Variants in PSMD11 observed in about 807,000 individuals in gnomAD.
PSMD11 encodes 26S proteasome non-ATPase regulatory subunit 11.
PSMD11 carries 5 observed loss-of-function variants against 62.3 expected under a neutral mutation model. That is an observed-to-expected ratio of 0.08 (90% CI 0.04 to 0.17). The LOEUF (loss-of-function observed/expected upper bound fraction) is 0.17, where lower values mean the gene tolerates loss of function less well. Among genes scored for constraint, PSMD11 ranks in the 10% least tolerant of loss-of-function variants. PSMD11 has a pLI of 1.00. For missense variants in PSMD11, 310 were observed against 512.9 expected (o/e 0.60, Z 3.82); for synonymous variants, 191 against 191.8 (o/e 1.00, Z 0.03).
rs751758609 is a variant in PSMD11 at position 32,482,936 on chromosome 17, A to G, written c.*2184A>G. Reference sequence around the variant, plus strand: ...GTCTCTGTATTTCACTTGCAGAAAGAGCTTTGCTTCTATAAAGGACTTTAA... The same window carrying G: ...GTCTCTGTATTTCACTTGCAGAAAGGGCTTTGCTTCTATAAAGGACTTTAA... On this transcript the variant is annotated 3_prime_UTR_variant, in exon 14 of 14. Transcript: ENST00000261712. 129 of 152,304 alleles carry G rather than the reference A, an allele frequency of 8.5e-4. No homozygotes were observed. The highest frequency in any genetic ancestry group is 3.0e-3 in the African/African-American group (124 of 41,538). The allele number at this position is 152,304 out of a possible 1,614,324, so 9.4% of individuals were successfully genotyped here. A position where few individuals can be genotyped will look rare whatever the true frequency, so the allele number is the denominator to read the frequency against.
At position 32,480,505 on chromosome 17, in the gene PSMD11, G is replaced by T. The variant is rs949803753; in HGVS notation, c.1143G>T (p.Gly381=). Residue 381 remains glycine (G), a synonymous_variant, in exon 13 of 14, where the codon GGG becomes GGT. Coordinates refer to ENST00000261712, the MANE Select transcript of PSMD11 (RefSeq NM_002815.4). ...TTCTTGCAGGGATTTTGGACCAGGG[G>T]GAGGGTGTCCTGATTATTTTCGATG... is the stretch of plus-strand genomic sequence containing the variant. ...DKKFHGILDQ[G]EGVLIIFDEP... 1.9e-6 allele frequency: 3 copies of T among 1,614,174 alleles called. No individual in the cohort carries two copies. Among genetic ancestry groups the T allele is most frequent in the Admixed American group, 1.7e-5 (1 of 60,018 alleles).
chr17:32,462,268 CT>C (rs1247819192), intron 3 of PSMD11, among the ~76,000 whole-genome samples: 1 of 152,164 alleles, frequency 6.6e-6, no homozygotes, highest in Non-Finnish European at 1.5e-5. Flanking sequence ...GGGGGCACTT[CT>C]TACCCTTTGA....
rs1292538649 is a variant in PSMD11, at chr17:32,474,844, C to G, written c.849+20C>G. The G allele has an allele frequency of 6.2e-7, 1 of 1,605,672 alleles. No individual in the cohort carries two copies. Among genetic ancestry groups the G allele is most frequent in the Non-Finnish European group, 8.5e-7 (1 of 1,172,516 alleles). ...AGGCAGGTAGGGACTCCCTTGACTG[C>G]AGTTCTGCTCACTCTGAGACCAGCA... On this transcript the variant is annotated intron_variant, in intron 8 of 13. Coordinates refer to ENST00000261712, the MANE Select transcript of PSMD11 (RefSeq NM_002815.4).
rs747325041 is a variant in PSMD11 at position 32,469,147 on chromosome 17, C to T, written c.597C>T (p.Ala199=). ...CTTCTGCTCGAACCACAGCAAATGC[C>T]ATCTACTGCCCCCCTAAATTGCAGG... ...ALTSARTTAN[A]IYCPPKLQAT... is the part of the protein sequence containing the mutation. The change falls in exon 6 of 14, where the codon GCC becomes GCT. Residue 199 remains alanine, a synonymous_variant. Coordinates refer to ENST00000261712, the MANE Select transcript of PSMD11 (RefSeq NM_002815.4). 50 of 1,614,070 alleles carry T rather than the reference C, an allele frequency of 3.1e-5. No individual in the cohort carries two copies. The highest frequency in any genetic ancestry group is 1.9e-4 in the South Asian group (17 of 91,078).
At chr17:32,462,505 C>T (rs1028110265) in intron 3 of PSMD11, among the ~76,000 whole-genome samples, 24 of 152,094 alleles carry the variant, frequency 1.6e-4, no homozygotes, top group African/African-American at 5.6e-4. Flanking sequence ...ATTAGGTAGC[C>T]ACCAGGGGGC....
chr17:32,446,429 C>T (rs1432265151), intron 1 of PSMD11, among the ~76,000 whole-genome samples: 1 of 152,130 alleles, frequency 6.6e-6, no homozygotes, highest in Admixed American at 6.5e-5. Flanking sequence ...CTTTATAGAC[C>T]TGCTTATCCC....
In PSMD11 at chr17:32,478,936, G is replaced by A. The variant is rs561336621; in HGVS notation, c.913-315G>A. ...TTCTCTTAGAGACTACCATAAAATA[G>A]CATTTTTAAAAATTTATTTTTAGAG... On this transcript the variant is annotated intron_variant, in intron 9 of 13. Coordinates refer to ENST00000261712, the MANE Select transcript of PSMD11 (RefSeq NM_002815.4). Among the ~76,000 whole-genome samples, 10 of 151,768 alleles carry A rather than the reference G, an allele frequency of 6.6e-5. No individual in the cohort carries two copies. In the East Asian group the frequency reaches 1.7e-3, roughly 26 times the overall value.
At position 32,483,110 on chromosome 17, in the gene PSMD11, A is replaced by G. The variant is rs1330683895; in HGVS notation, c.*2358A>G. The stretch of plus-strand genomic sequence containing the variant: ...ATGCCCTCTAGACCCGTGCTGTCCA[A>G]TATGTAGCCGCTAGCCATGTGCAGC... On this transcript the variant is annotated 3_prime_UTR_variant, in exon 14 of 14. Coordinates refer to ENST00000261712, the MANE Select transcript of PSMD11 (RefSeq NM_002815.4). 1 of 152,148 alleles carries G rather than the reference A, an allele frequency of 6.6e-6. No individual in the cohort carries two copies. The highest frequency in any genetic ancestry group is 1.9e-4 in the East Asian group (1 of 5,190). 9.4% of individuals were successfully genotyped at this position (152,148 alleles called of 1,614,324 possible).
intron 7 of PSMD11, 153 bp downstream of exon 7, chr17:32,474,098 A>G (rs1236861101): frequency 1.2e-6 from 1 of 865,440 alleles, no homozygotes; most frequent in Non-Finnish European, 1.8e-6. Flanking sequence ...CGGGAGGATC[A>G]AAAGTGGTCC....
chr17:32,479,367 C>T lies in PSMD11; in HGVS notation c.1029C>T (p.Ser343=), dbSNP rs764453685. ...QNLIRVIEPF[S]RVQIEHISSL... ...TGATCCGAGTCATTGAGCCTTTTTC[C>T]AGAGTACAGGTGAGAACCCTCTGGG... Residue 343 remains serine (S), a synonymous_variant, in exon 10 of 14, where the codon TCC becomes TCT. Transcript: ENST00000261712. The T allele has an allele frequency of 6.2e-7, 1 of 1,614,084 alleles. No homozygotes were observed.
chr17:32,454,777 T>C (rs1907602566), intron 3 of PSMD11, 158 bp downstream of exon 3: 2 of 768,612 alleles, frequency 2.6e-6, no homozygotes, highest in Non-Finnish European at 2.0e-6. Flanking sequence ...GGGCATTTGA[T>C]ACTTTGGGTC....
rs562378742 is a variant in PSMD11 at position 32,481,668 on chromosome 17, C to T, written c.*916C>T. On this transcript the variant is annotated 3_prime_UTR_variant, in exon 14 of 14. Transcript: ENST00000261712. ...ATGTCTCTCTGCCTTCCTCCTCTCC[C>T]CTCCAGGGGAGTCAGGCTGTCTGTG... is the stretch of plus-strand genomic sequence containing the variant. 1 of 152,340 alleles carries T rather than the reference C, an allele frequency of 6.6e-6. No individual in the cohort carries two copies. The highest frequency in any genetic ancestry group is 1.9e-4 in the East Asian group (1 of 5,180). 9.4% of individuals were successfully genotyped at this position (152,340 alleles called of 1,614,324 possible).
chr17:32,469,218 ATG>A, intron 6 of PSMD11, 25 bp downstream of exon 6: 1 of 1,598,962 alleles, frequency 6.3e-7, no homozygotes, highest in Non-Finnish European at 8.6e-7. Context: ...TATTCCTGGG[ATG>A]TGTTTTCTTA....
chr17:32,477,729 C>G, intron 9 of PSMD11, 146 bp downstream of exon 9: 4 of 558,382 alleles, frequency 7.2e-6, no homozygotes, highest in Non-Finnish European at 1.2e-5. Context: ...GTATTAAAAC[C>G]AGGAAATAGT....
Position 32,483,119 on chromosome 17 carries a change from C to G in PSMD11, c.*2367C>G, listed in dbSNP as rs570826519. On this transcript the variant is annotated 3_prime_UTR_variant, in exon 14 of 14. Coordinates refer to ENST00000261712, the MANE Select transcript of PSMD11 (RefSeq NM_002815.4). ...AGACCCGTGCTGTCCAATATGTAGC[C>G]GCTAGCCATGTGCAGCTGTCAGGCC... 1.4e-4 allele frequency: 21 copies of G among 152,250 alleles called. No homozygotes were observed. The highest frequency in any genetic ancestry group is 4.6e-4 in the African/African-American group (19 of 41,538). 9.4% of individuals were successfully genotyped at this position (152,250 alleles called of 1,614,324 possible).
intron 3 of PSMD11, among the ~76,000 whole-genome samples, chr17:32,458,277 A>C (rs1201155452): frequency 6.6e-6 from 1 of 152,144 alleles, no homozygotes; most frequent in African/African-American, 2.4e-5. Context: ...TTGCCTGCAG[A>C]ATTAGATAAT....
rs1011215491 is a variant in PSMD11, at chr17:32,479,573, C to T, written c.1038+197C>T. 5 of 802,698 alleles carry T rather than the reference C, an allele frequency of 6.2e-6. No individual in the cohort carries two copies. In the African/African-American group the frequency reaches 8.7e-5, roughly 14 times the overall value. 49.7% of individuals were successfully genotyped at this position (802,698 alleles called of 1,614,324 possible). ...GCTGTGGGTAGAGGCATGTGGGTTG[C>T]CCCTGCATGTGTTCTGAGCAGTTTC... On this transcript the variant is annotated intron_variant, in intron 10 of 13. Coordinates refer to ENST00000261712, the MANE Select transcript of PSMD11 (RefSeq NM_002815.4).
chr17:32,454,417 G>A (rs922792961), intron 2 of PSMD11, 78 bp from the exon 3 acceptor site: 6 of 1,472,892 alleles, frequency 4.1e-6, no homozygotes, highest in Middle Eastern at 1.8e-4. Flanking sequence ...TTTTTATGAC[G>A]TTGGGTCAGT....
At chr17:32,480,452 T>A in intron 12 of PSMD11, 37 bp from the exon 13 acceptor site, 1 of 1,613,504 alleles carries the variant, frequency 6.2e-7, no homozygotes, top group Non-Finnish European at 8.5e-7. Context: ...GTGTCTAACC[T>A]CATCTTTTAC....
Sources: allele counts gnomAD v4.1 joint callset (sites outside exome capture counted in the v4.1 genomes callset), GRCh38; gene constraint gnomAD v4.1.1; transcripts MANE v1.5; gene names NCBI Gene and HGNC (gene_info 2026-07-23, HGNC 2026-07-21).